Variants in PRSS12 observed in about 807,000 individuals in gnomAD.
PRSS12 encodes the protein neurotrypsin.
A neutral mutation model predicts 104.4 loss-of-function variants in PRSS12; 85 were observed. The observed-to-expected ratio is 0.81, with a 90% CI of 0.68 to 0.98. The LOEUF (loss-of-function observed/expected upper bound fraction) is 0.98. Among genes scored for constraint, PRSS12 ranks in the 50% least tolerant of loss-of-function variants. PRSS12 has a pLI of 0.00. For missense variants in PRSS12, 1,141 were observed against 1,139.2 expected (o/e 1.00, Z -0.02); for synonymous variants, 454 against 425.2 (o/e 1.07, Z -0.83).
chr4:118,285,200 T>C (rs1309274597), intron 11 of PRSS12, among the ~76,000 whole-genome samples: 3 of 152,230 alleles, frequency 2.0e-5, no homozygotes, highest in Admixed American at 1.3e-4. Context: ...AATCATCACA[T>C]ATCTTTAAAG....
chr4:118,297,006 C>A lies in PRSS12; in HGVS notation c.1838-1150G>T, dbSNP rs944380604. On this transcript the variant is annotated intron_variant, in intron 9 of 12. Transcript: ENST00000296498. Reference sequence around the variant, plus strand: ...GTTTACATCATTCTGGGGCAAAGAACCAGCCTGCAAGAAAGTAAACTCTAT... The same window carrying A: ...GTTTACATCATTCTGGGGCAAAGAAACAGCCTGCAAGAAAGTAAACTCTAT... Among the ~76,000 whole-genome samples the A allele has an allele frequency of 5.3e-5, 8 of 152,060 alleles. 1 individual carries two copies. The highest frequency in any genetic ancestry group is 2.9e-5 in the Non-Finnish European group (2 of 67,972).
chr4:118,299,746 T>TAAAATAAAATA lies in PRSS12; in HGVS notation c.1632-809_1632-808insTATTTTATTTT, dbSNP rs372943908. ...TAAAATAAAATAAAATAAAATAAAA[T>TAAAATAAAATA]AAATAAAATAAATAAAATTAAATAA... On this transcript the variant is annotated intron_variant, in intron 8 of 12. Transcript: ENST00000296498. Among the ~76,000 whole-genome samples the TAAAATAAAATA allele has an allele frequency of 2.3e-3, 192 of 82,412 alleles. 4 individuals carry two copies. Among genetic ancestry groups the TAAAATAAAATA allele is most frequent in the Admixed American group, 2.7e-3 (22 of 8,002 alleles). The allele number at this position is 82,412 out of a possible 152,430, so 54.1% of individuals were successfully genotyped here.
chr4:118,294,714 C>G (rs1282219896), intron 11 of PRSS12, among the ~76,000 whole-genome samples: 1 of 152,146 alleles, frequency 6.6e-6, no homozygotes, highest in Non-Finnish European at 1.5e-5. Context: ...CCCTGTTCTT[C>G]TATTCTCCCT....
rs1743618105 is a variant in PRSS12, at chr4:118,308,546, A to C, written c.1521T>G (p.Asn507Lys). Residue 507 changes from asparagine (N) to lysine (K), a missense_variant, in exon 8 of 13, where the codon AAT becomes AAG. Physicochemically the swap from Asn to Lys is moderately conservative, Grantham distance 94. Coordinates refer to ENST00000296498, the MANE Select transcript of PRSS12 (RefSeq NM_003619.4). ...GFPVRLMDGENKKEGRVEVFI... is the reference protein window; with the variant it reads ...GFPVRLMDGEKKKEGRVEVFI... ...AAACCTCCACTCGTCCTTCTTTCTT[A>C]TTTTCTCCATCCATCAGTCTGACAG... 4 of 1,612,260 alleles carry C rather than the reference A, an allele frequency of 2.5e-6. No homozygotes were observed. The highest frequency in any genetic ancestry group is 3.4e-6 in the Non-Finnish European group (4 of 1,179,180).
At chr4:118,335,399 G>C (rs1578934916) in intron 3 of PRSS12, 74 bp downstream of exon 3, 3 of 1,533,748 alleles carry the variant, frequency 2.0e-6, no homozygotes, top group East Asian at 4.5e-5. Flanking sequence ...TTATAACTAA[G>C]ACACTTTCAT....
chr4:118,291,052 G>A (rs146625052), intron 11 of PRSS12, among the ~76,000 whole-genome samples: 8 of 150,126 alleles, frequency 5.3e-5, no homozygotes, highest in African/African-American at 7.4e-5. Flanking sequence ...ATTCACAGAC[G>A]CCCCCCTAGA....
chr4:118,344,714 A>G (rs1724312749), intron 1 of PRSS12, among the ~76,000 whole-genome samples: 1 of 152,228 alleles, frequency 6.6e-6, no homozygotes, highest in Non-Finnish European at 1.5e-5. Context: ...CCCCTAAGTT[A>G]GCAATTCTAC....
chr4:118,308,975 A>T (rs1278999391), intron 7 of PRSS12, among the ~76,000 whole-genome samples: 1 of 152,212 alleles, frequency 6.6e-6, no homozygotes. Context: ...ATGAACAGAG[A>T]GCTAGAAGTT....
chr4:118,295,754 A>C (rs1743237962), intron 10 of PRSS12, 24 bp downstream of exon 10: 1 of 1,588,182 alleles, frequency 6.3e-7, no homozygotes, highest in African/African-American at 1.3e-5. Flanking sequence ...TAATATAAAA[A>C]ATCTCTTTTG....
At chr4:118,342,676 G>A (rs1724247269) in intron 1 of PRSS12, among the ~76,000 whole-genome samples, 1 of 152,180 alleles carries the variant, frequency 6.6e-6, no homozygotes, top group South Asian at 2.1e-4. Flanking sequence ...GGAGGCCCCA[G>A]AGTTCCTGAA....
intron 11 of PRSS12, among the ~76,000 whole-genome samples, chr4:118,292,274 A>C (rs1407549568): frequency 6.6e-6 from 1 of 152,138 alleles, no homozygotes; most frequent in East Asian, 1.9e-4. Context: ...AATTCCACTT[A>C]TTCTTCCCCA....
chr4:118,322,329 C>A (rs1240744126), intron 4 of PRSS12, among the ~76,000 whole-genome samples: 1 of 152,236 alleles, frequency 6.6e-6, no homozygotes, highest in East Asian at 1.9e-4. Context: ...GCAGGTGGAT[C>A]ACCTGAGGTC....
intron 1 of PRSS12, among the ~76,000 whole-genome samples, chr4:118,346,431 T>G (rs1420730382): frequency 6.8e-6 from 1 of 147,128 alleles, no homozygotes; most frequent in East Asian, 2.0e-4. Flanking sequence ...TTCTTTCCCC[T>G]AAACACTATC....
Position 118,295,066 on chromosome 4 carries a change from G to A in PRSS12, c.1917-5C>T. The A allele has an allele frequency of 6.2e-7, 1 of 1,613,664 alleles. No individual in the cohort carries two copies. Among genetic ancestry groups the A allele is most frequent in the African/African-American group, 1.3e-5 (1 of 75,048 alleles). ...ACCTGCCAAGGCCAACCACCCCTAA[G>A]AAGAAAATGAGCTACACATCAACGT... On this transcript the variant is annotated splice_polypyrimidine_tract_variant and splice_region_variant and intron_variant, in intron 10 of 12. Coordinates refer to ENST00000296498, the MANE Select transcript of PRSS12 (RefSeq NM_003619.4).
chr4:118,321,305 A>G (rs2126036737), intron 4 of PRSS12, among the ~76,000 whole-genome samples: 1 of 152,328 alleles, frequency 6.6e-6, no homozygotes, highest in East Asian at 1.9e-4. Context: ...GTTTCAAAGT[A>G]TGTCTATATG....
At chr4:118,320,739 A>G (rs1273955639) in intron 4 of PRSS12, among the ~76,000 whole-genome samples, 1 of 152,122 alleles carries the variant, frequency 6.6e-6, no homozygotes, top group African/African-American at 2.4e-5. Flanking sequence ...GGTGACACAG[A>G]GAAATCCTGT....
At chr4:118,286,598 A>G (rs928304931) in intron 11 of PRSS12, among the ~76,000 whole-genome samples, 2 of 152,182 alleles carry the variant, frequency 1.3e-5, no homozygotes, top group Non-Finnish European at 2.9e-5. Context: ...TATCCTTAGC[A>G]CCCAGCAAAG....
rs377657888 is a variant in PRSS12, at chr4:118,314,918, CAG to C, written c.1292+1262_1292+1263del. Among the ~76,000 whole-genome samples, 29 of 152,040 alleles carry C rather than the reference CAG, an allele frequency of 1.9e-4. 1 individual carries two copies. In the East Asian group the frequency reaches 4.6e-3, roughly 24 times the overall value. On this transcript the variant is annotated intron_variant, in intron 6 of 12. Coordinates refer to ENST00000296498, the MANE Select transcript of PRSS12 (RefSeq NM_003619.4). ...ATGAATCTCTCTAAATCTGTGAAAA[CAG>C]AGTATAGTTGGCAGTCTGAGATTCA... is the stretch of plus-strand genomic sequence containing the variant.
At chr4:118,310,037 C>A (rs557180706) in intron 7 of PRSS12, among the ~76,000 whole-genome samples, 193 of 152,204 alleles carry the variant, frequency 1.3e-3, no homozygotes, top group Non-Finnish European at 1.4e-3. Flanking sequence ...TTATGGCGTG[C>A]CAACTCTATG....
Sources: allele counts gnomAD v4.1 joint callset (sites outside exome capture counted in the v4.1 genomes callset), GRCh38; gene constraint gnomAD v4.1.1; transcripts MANE v1.5; gene names NCBI Gene and HGNC (gene_info 2026-07-23, HGNC 2026-07-21).